ANKRD6: variants seen among roughly 807,000 people sequenced by gnomAD.
ANKRD6 encodes the protein ankyrin repeat domain-containing protein 6.
A neutral mutation model predicts 82.3 loss-of-function variants in ANKRD6; 56 were observed. The ratio of observed to expected loss-of-function variants is 0.68; its 90% CI spans 0.55 to 0.85. The LOEUF (loss-of-function observed/expected upper bound fraction) is 0.85. Among genes scored for constraint, ANKRD6 ranks in the 40% least tolerant of loss-of-function variants. The probability of loss-of-function intolerance (pLI) is 0.00; values close to 1 mark genes in which losing one functional copy is unlikely to be tolerated. For missense variants in ANKRD6, 852 were observed against 907.6 expected (o/e 0.94, Z 0.79); for synonymous variants, 347 against 352.1 (o/e 0.99, Z 0.16).
chr6:89,490,562 G>C (rs548254083), intron 1 of ANKRD6, among the ~76,000 whole-genome samples: 19 of 152,234 alleles, frequency 1.2e-4, no homozygotes, highest in Admixed American at 8.5e-4. Context: ...ATAGCGGGGA[G>C]ACAGGTGCAA....
intron 1 of ANKRD6, among the ~76,000 whole-genome samples, chr6:89,528,123 A>G (rs1235819306): frequency 6.6e-6 from 1 of 152,190 alleles, no homozygotes; most frequent in Non-Finnish European, 1.5e-5. Context: ...ACAGTTTCTT[A>G]AAGTCAGACG....
chr6:89,480,441 GT>G (rs921609398), intron 1 of ANKRD6, among the ~76,000 whole-genome samples: 4 of 152,046 alleles, frequency 2.6e-5, no homozygotes, highest in Admixed American at 6.6e-5. Flanking sequence ...GGATTGTATT[GT>G]TCCCTTCATC....
chr6:89,593,384 C>T (rs1278025284), intron 2 of ANKRD6, among the ~76,000 whole-genome samples: 1 of 152,236 alleles, frequency 6.6e-6, no homozygotes, highest in Admixed American at 6.5e-5. Context: ...ATCTGATCAG[C>T]TATGATTTCA....
At chr6:89,481,169 A>G (rs1776762242) in intron 1 of ANKRD6, among the ~76,000 whole-genome samples, 1 of 152,186 alleles carries the variant, frequency 6.6e-6, no homozygotes. Flanking sequence ...GTAAACAAAA[A>G]TGAGCATCCC....
chr6:89,603,264 G>C, intron 4 of ANKRD6, 137 bp downstream of exon 4: 1 of 591,034 alleles, frequency 1.7e-6, no homozygotes, highest in South Asian at 2.5e-5. Context: ...GATTTAACAT[G>C]ATTAAATCAG....
intron 2 of ANKRD6, among the ~76,000 whole-genome samples, chr6:89,577,764 C>T (rs1051672376): frequency 2.6e-5 from 4 of 152,162 alleles, no homozygotes; most frequent in Non-Finnish European, 5.9e-5. Context: ...CTGCAGTGAG[C>T]CATGATTGTG....
At chr6:89,465,415 C>T (rs1197060588) in intron 1 of ANKRD6, among the ~76,000 whole-genome samples, 1 of 151,880 alleles carries the variant, frequency 6.6e-6, no homozygotes, top group Non-Finnish European at 1.5e-5. Flanking sequence ...GCCACTGCAC[C>T]AGGCCTAATT....
Position 89,631,920 on chromosome 6 carries a change from A to C in ANKRD6, c.*916A>C, listed in dbSNP as rs1453199240. The C allele has an allele frequency of 6.6e-6, 1 of 152,252 alleles. No individual in the cohort carries two copies. The highest frequency in any genetic ancestry group is 1.9e-4 in the East Asian group (1 of 5,200). 9.4% of individuals were successfully genotyped at this position (152,252 alleles called of 1,614,324 possible). ...CATTTTGAATTCTGTCATTAACCTC[A>C]AAAGCTTTCTACTGCTTTGCGGTGA... On this transcript the variant is annotated 3_prime_UTR_variant, in exon 16 of 16. Coordinates refer to ENST00000339746, the MANE Select transcript of ANKRD6 (RefSeq NM_001242809.2).
At chr6:89,614,846 A>AG (rs1226038029) in intron 7 of ANKRD6, among the ~76,000 whole-genome samples, 1 of 147,320 alleles carries the variant, frequency 6.8e-6, no homozygotes, top group Non-Finnish European at 1.5e-5. Flanking sequence ...AGGAAAAAAA[A>AG]AAAAACAAAA....
chr6:89,506,948 T>G (rs903933086), intron 1 of ANKRD6, among the ~76,000 whole-genome samples: 2 of 152,262 alleles, frequency 1.3e-5, no homozygotes, highest in Non-Finnish European at 2.9e-5. Context: ...TTCTTCCATG[T>G]GTTGGCATTG....
At chr6:89,579,094 G>A (rs1260753413) in intron 2 of ANKRD6, among the ~76,000 whole-genome samples, 6 of 152,182 alleles carry the variant, frequency 3.9e-5, no homozygotes, top group Non-Finnish European at 2.9e-5. Context: ...CCTGATGAAG[G>A]CGGTGTAGTG....
chr6:89,498,402 T>G lies in ANKRD6; in HGVS notation c.-144+65027T>G, dbSNP rs1011502372. Reference sequence around the variant, plus strand: ...TTCTTGCTATGTTTAAGGCACTACCTATGACAATCTGGGATATAATGATGT... The same window carrying G: ...TTCTTGCTATGTTTAAGGCACTACCGATGACAATCTGGGATATAATGATGT... On this transcript the variant is annotated intron_variant, in intron 1 of 15. Coordinates refer to ENST00000339746, the MANE Select transcript of ANKRD6 (RefSeq NM_001242809.2). Among the ~76,000 whole-genome samples the G allele has an allele frequency of 6.2e-4, 95 of 152,162 alleles. 1 individual carries two copies. Among genetic ancestry groups the G allele is most frequent in the Non-Finnish European group, 2.6e-4 (18 of 68,036 alleles).
chr6:89,443,150 C>T (rs756161055), intron 1 of ANKRD6, among the ~76,000 whole-genome samples: 2 of 152,114 alleles, frequency 1.3e-5, no homozygotes, highest in Non-Finnish European at 2.9e-5. Flanking sequence ...TTGAAGATCT[C>T]TGTTTTAATC....
At chr6:89,581,428 G>A (rs1280391536) in intron 2 of ANKRD6, 1 of 152,224 alleles carries the variant, frequency 6.6e-6, no homozygotes, top group Non-Finnish European at 1.5e-5. Flanking sequence ...AGTGTGTGAG[G>A]AGCCCAATGG....
At chr6:89,476,975 C>T (rs890024490) in intron 1 of ANKRD6, among the ~76,000 whole-genome samples, 12 of 152,186 alleles carry the variant, frequency 7.9e-5, no homozygotes, top group East Asian at 3.8e-4. Flanking sequence ...GACGGAGTCT[C>T]GTTCTGTCGC....
At chr6:89,511,417 C>T (rs527258477) in intron 1 of ANKRD6, among the ~76,000 whole-genome samples, 2 of 152,258 alleles carry the variant, frequency 1.3e-5, no homozygotes, top group East Asian at 3.9e-4. Context: ...ACCCTGTTTG[C>T]CTTAAGTACT....
At chr6:89,442,827 A>G (rs1225758864) in intron 1 of ANKRD6, among the ~76,000 whole-genome samples, 2 of 152,164 alleles carry the variant, frequency 1.3e-5, no homozygotes, top group Non-Finnish European at 2.9e-5. Context: ...GTGAAGTCTC[A>G]TAGGTGGCCA....
In ANKRD6 at chr6:89,539,484, G is replaced by T. The variant is rs183150612; in HGVS notation, c.-143-27350G>T. Among the ~76,000 whole-genome samples, 214 of 152,032 alleles carry T rather than the reference G, an allele frequency of 1.4e-3. 1 individual carries two copies. The highest frequency in any genetic ancestry group is 4.9e-3 in the African/African-American group (203 of 41,478). On this transcript the variant is annotated intron_variant, in intron 1 of 15. Coordinates refer to ENST00000339746, the MANE Select transcript of ANKRD6 (RefSeq NM_001242809.2). ...TGGTGTTTATGCAGTATGTATATAA[G>T]CATTTATTATGAAGAATTGCTACCT...
At chr6:89,508,430 G>T (rs1780130770) in intron 1 of ANKRD6, among the ~76,000 whole-genome samples, 1 of 152,224 alleles carries the variant, frequency 6.6e-6, no homozygotes. Flanking sequence ...TTCCCAGGAG[G>T]TGGAACTTGC....
Sources: gnomAD v4.1 joint callset for allele counts (sites outside exome capture counted in the v4.1 genomes callset) on GRCh38, gnomAD v4.1.1 for gene constraint, MANE v1.5 for transcripts, NCBI Gene and HGNC (gene_info 2026-07-23, HGNC 2026-07-21) for gene names.